SUSD1: variants seen among roughly 807,000 people sequenced by gnomAD.
SUSD1 encodes sushi domain containing 1.
A neutral mutation model predicts 86.9 loss-of-function variants in SUSD1; 65 were observed. That is an observed-to-expected ratio of 0.75 (90% CI 0.61 to 0.92). SUSD1 has a LOEUF of 0.92. SUSD1 is among the 40% of genes least tolerant of loss of function. SUSD1 has a pLI of 0.00. For missense variants in SUSD1, 850 were observed against 929.7 expected (o/e 0.91, Z 1.11); for synonymous variants, 346 against 350.0 (o/e 0.99, Z 0.13).
intron 13 of SUSD1, among the ~76,000 whole-genome samples, chr9:112,059,186 A>G (rs1828596786): frequency 6.6e-6 from 1 of 152,202 alleles, no homozygotes; most frequent in African/African-American, 2.4e-5. Context: ...TCCAACCATC[A>G]TGGAATTCCA....
In SUSD1 at chr9:112,058,444, G is replaced by A. The variant is rs780438552; in HGVS notation, c.2093C>T (p.Thr698Ile). The change falls in exon 14 of 17, where the codon ACA (threonine) becomes ATA (isoleucine). Residue 698 changes from threonine to isoleucine, a missense_variant. Transcript: ENST00000374270. The part of the protein sequence containing the change: ...GSDYCIILRI[T>I]SEWNKVRRHS... The stretch of plus-strand genomic sequence containing the variant: ...GAAAGATACCTTATTCCATTCACTT[G>A]TGATTCGTAATATAATGCAGTAATC... 2.5e-6 allele frequency: 4 copies of A among 1,613,870 alleles called. No homozygotes were observed. The highest frequency in any genetic ancestry group is 3.4e-6 in the Non-Finnish European group (4 of 1,179,936).
intron 10 of SUSD1, among the ~76,000 whole-genome samples, chr9:112,090,241 A>C (rs548909644): frequency 1.1e-4 from 16 of 152,334 alleles, no homozygotes; most frequent in Non-Finnish European, 2.1e-4. Context: ...TGTACAAATA[A>C]ATTTTAAAAC....
intron 11 of SUSD1, 87 bp from the exon 12 acceptor site, chr9:112,078,811 CTT>C (rs71496739): frequency 0.037 from 23,317 of 626,306 alleles, no homozygotes; most frequent in South Asian, 0.058. Flanking sequence ...TTTTCTTTCT[CTT>C]TTTTTTTTTT....
At chr9:112,116,976 C>T (rs1589679498) in intron 6 of SUSD1, among the ~76,000 whole-genome samples, 1 of 152,194 alleles carries the variant, frequency 6.6e-6, no homozygotes, top group Non-Finnish European at 1.5e-5. Context: ...CATGTCTCTA[C>T]TAAAAATAGA....
intron 1 of SUSD1, chr9:112,169,230 T>G (rs1357103062): frequency 6.6e-6 from 1 of 152,132 alleles, no homozygotes; most frequent in African/African-American, 2.4e-5. Context: ...TTGTCATATA[T>G]TTCCCACACC....
chr9:112,148,519 A>T (rs767499930), intron 3 of SUSD1, among the ~76,000 whole-genome samples: 2 of 152,082 alleles, frequency 1.3e-5, no homozygotes, highest in Admixed American at 1.3e-4. Flanking sequence ...CTCTGAGCTG[A>T]GGAGTGCCAC....
At chr9:112,171,753 T>C (rs1834055219) in intron 1 of SUSD1, among the ~76,000 whole-genome samples, 1 of 152,210 alleles carries the variant, frequency 6.6e-6, no homozygotes, top group African/African-American at 2.4e-5. Flanking sequence ...TCATTTATTT[T>C]TGCTTTTTCA....
At position 112,161,379 on chromosome 9, in the gene SUSD1, CA is replaced by C. The variant is rs34987440; in HGVS notation, c.104-3767del. Among the ~76,000 whole-genome samples the C allele has an allele frequency of 2.8e-3, 396 of 139,300 alleles. 3 individuals are homozygous for C. Among genetic ancestry groups the C allele is most frequent in the African/African-American group, 7.6e-3 (295 of 38,596 alleles). 91.4% of individuals were successfully genotyped at this position (139,300 alleles called of 152,430 possible). A position where few individuals can be genotyped will look rare whatever the true frequency, so the allele number is the denominator to read the frequency against. On this transcript the variant is annotated intron_variant, in intron 1 of 16. Coordinates refer to ENST00000374270, the MANE Select transcript of SUSD1 (RefSeq NM_022486.5). ...TGGGTGACAAAGTAAGACTTCATCTCAAAAAAAAAAAAAATTCATAATGACA... is the reference window on the plus strand; with the variant it reads ...TGGGTGACAAAGTAAGACTTCATCTCAAAAAAAAAAAAATTCATAATGACA...
chr9:112,171,779 C>G (rs752889889), intron 1 of SUSD1, among the ~76,000 whole-genome samples: 3 of 152,160 alleles, frequency 2.0e-5, no homozygotes, highest in Admixed American at 6.5e-5. Flanking sequence ...CCCCTCTCTA[C>G]TAAATAATAC....
chr9:112,154,335 C>CAAAAA (rs887833151), intron 2 of SUSD1, among the ~76,000 whole-genome samples: 1 of 70,418 alleles, frequency 1.4e-5, no homozygotes, highest in East Asian at 3.0e-4. Context: ...CACACACACA[C>CAAAAA]AAAAAAAAAA....
intron 10 of SUSD1, among the ~76,000 whole-genome samples, chr9:112,095,280 C>A (rs994727927): frequency 1.3e-5 from 2 of 152,112 alleles, no homozygotes; most frequent in African/African-American, 4.8e-5. Flanking sequence ...AGGTATGAGT[C>A]CTACCTGGCA....
At chr9:112,102,122 C>T (rs1830657432) in intron 9 of SUSD1, 54 bp downstream of exon 9, 2 of 1,055,526 alleles carry the variant, frequency 1.9e-6, no homozygotes, top group Admixed American at 2.7e-5. Flanking sequence ...TGGAGATCGC[C>T]CAAATTTTTA....
chr9:112,172,424 T>C (rs1299667624), intron 1 of SUSD1, among the ~76,000 whole-genome samples: 1 of 152,202 alleles, frequency 6.6e-6, no homozygotes, highest in Admixed American at 6.5e-5. Flanking sequence ...ATGCTGCTTC[T>C]TCCTTCTCGA....
intron 16 of SUSD1, 38 bp downstream of exon 16, chr9:112,041,829 C>T: frequency 6.3e-7 from 1 of 1,587,766 alleles, no homozygotes; most frequent in Non-Finnish European, 8.6e-7. Flanking sequence ...TCCTCCCCTC[C>T]ATTCCAGTCA....
rs1356725773 is a variant in SUSD1, at chr9:112,102,259, T to G, written c.1198A>C (p.Ser400Arg). 1 of 1,589,350 alleles carries G rather than the reference T, an allele frequency of 6.3e-7. No homozygotes were observed. The highest frequency in any genetic ancestry group is 2.3e-5 in the East Asian group (1 of 44,178). Reference protein sequence around the residue: ...AEVDLLEDDGSFNISIFNETC... With the variant: ...AEVDLLEDDGRFNISIFNETC... The stretch of plus-strand genomic sequence containing the variant: ...TCATTAAATATTGAAATATTGAAAC[T>G]TCCATCATCTTCTAAGAGATCAACT... The change falls in exon 9 of 17, where the codon AGT (serine) becomes CGT (arginine). Residue 400 changes from serine to arginine, a missense_variant. Coordinates refer to ENST00000374270, the MANE Select transcript of SUSD1 (RefSeq NM_022486.5).
In SUSD1 at chr9:112,078,809, C is replaced by CTGT; in HGVS notation, c.1567-86_1567-85insACA. On this transcript the variant is annotated intron_variant, in intron 11 of 16. Coordinates refer to ENST00000374270, the MANE Select transcript of SUSD1 (RefSeq NM_022486.5). ...AAACCTCCCCTTTTCCTTTTTCTTTCTCTTTTTTTTTTTTTTTTTTTGAGA... is the reference window on the plus strand; with the variant it reads ...AAACCTCCCCTTTTCCTTTTTCTTTCTGTTCTTTTTTTTTTTTTTTTTTTGAGA... 3.6e-6 allele frequency: 3 copies of CTGT among 829,712 alleles called. No individual in the cohort carries two copies. The African/African-American group carries it at 7.1e-5, about 20-fold the overall frequency. 51.4% of individuals were successfully genotyped at this position (829,712 alleles called of 1,614,324 possible). A position where few individuals can be genotyped will look rare whatever the true frequency, so the allele number is the denominator to read the frequency against.
chr9:112,128,325 C>T (rs1831867722), intron 5 of SUSD1, among the ~76,000 whole-genome samples: 2 of 151,874 alleles, frequency 1.3e-5, no homozygotes, highest in Non-Finnish European at 2.9e-5. Context: ...AACTCCTGAG[C>T]TCAAATGATC....
intron 15 of SUSD1, chr9:112,042,232 G>C (rs1242727755): frequency 1.5e-6 from 2 of 1,358,878 alleles, no homozygotes; most frequent in African/African-American, 2.9e-5. Flanking sequence ...ATCTTGTTGA[G>C]CACACAAATA....
chr9:112,052,724 C>A (rs2118905731), intron 14 of SUSD1, among the ~76,000 whole-genome samples: 1 of 152,264 alleles, frequency 6.6e-6, no homozygotes, highest in South Asian at 2.1e-4. Context: ...CAAAAAGGAC[C>A]ATTCCCCTGA....
Sources: gnomAD v4.1 joint callset for allele counts (sites outside exome capture counted in the v4.1 genomes callset) on GRCh38, gnomAD v4.1.1 for gene constraint, MANE v1.5 for transcripts, NCBI Gene and HGNC (gene_info 2026-07-23, HGNC 2026-07-21) for gene names.